OSBPL6: variants seen among roughly 807,000 people sequenced by gnomAD.
The protein encoded by OSBPL6 is oxysterol-binding protein-related protein 6.
Under a neutral mutation model 125.8 loss-of-function variants are expected in OSBPL6, and 49 were observed. The observed-to-expected ratio is 0.39, with a 90% confidence interval of 0.31 to 0.49. The LOEUF (loss-of-function observed/expected upper bound fraction) is 0.49, where lower values mean the gene tolerates loss of function less well. Among genes scored for constraint, OSBPL6 ranks in the 20% least tolerant of loss-of-function variants. The probability of loss-of-function intolerance (pLI) is 0.88; values close to 1 mark genes in which losing one functional copy is unlikely to be tolerated. For missense variants in OSBPL6, 986 were observed against 1,135.4 expected, an observed-to-expected ratio of 0.87 and a Z score of 1.89; for synonymous variants, 394 against 391.8, an observed-to-expected ratio of 1.01 and a Z score of -0.07.
chr2:178,273,057 T>A (rs1192032347), intron 1 of OSBPL6, among the ~76,000 whole-genome samples: 1 of 152,092 alleles, frequency 6.6e-6, no homozygotes, highest in Non-Finnish European at 1.5e-5. Flanking sequence ...AAGGATGGGA[T>A]TTAGACTTTG....
intron 1 of OSBPL6, among the ~76,000 whole-genome samples, chr2:178,212,443 AT>A (rs1282117505): frequency 6.6e-6 from 1 of 152,216 alleles, no homozygotes; most frequent in East Asian, 1.9e-4. Flanking sequence ...ACACAGAGTG[AT>A]TTCTGAAAGA....
At chr2:178,379,791 C>T (rs371695449) in intron 15 of OSBPL6, among the ~76,000 whole-genome samples, 14 of 152,056 alleles carry the variant, frequency 9.2e-5, no homozygotes, top group East Asian at 1.9e-4. Context: ...CCAGTTGCAG[C>T]GGGAAAATAT....
Position 178,228,530 on chromosome 2 carries a change from A to G in OSBPL6, c.-351+33856A>G, listed in dbSNP as rs552944926. Among the ~76,000 whole-genome samples the G allele has an allele frequency of 3.1e-4, 47 of 152,352 alleles. 1 individual carries two copies. Among genetic ancestry groups the G allele is most frequent in the Admixed American group, 2.2e-3 (34 of 15,306 alleles). On this transcript the variant is annotated intron_variant, in intron 1 of 24. Transcript: ENST00000190611. ...GGCCAGGGTGACAGAGCGAGACTCCATCTCAAAAAACAAAATAAAAAAATT... is the reference window on the plus strand; with the variant it reads ...GGCCAGGGTGACAGAGCGAGACTCCGTCTCAAAAAACAAAATAAAAAAATT...
chr2:178,201,806 GGGACCTGT>G (rs1216660931), intron 1 of OSBPL6, among the ~76,000 whole-genome samples: 8 of 152,182 alleles, frequency 5.3e-5, no homozygotes, highest in African/African-American at 1.2e-4. Context: ...AATACTGACA[GGGACCTGT>G]GGCATTTGTT....
intron 12 of OSBPL6, among the ~76,000 whole-genome samples, chr2:178,350,544 T>C (rs1161106021): frequency 6.6e-6 from 1 of 152,202 alleles, no homozygotes; most frequent in Non-Finnish European, 1.5e-5. Context: ...AAAAATATGC[T>C]GTCAGATTTC....
chr2:178,330,573 A>T (rs1328263057), intron 5 of OSBPL6, among the ~76,000 whole-genome samples: 1 of 152,184 alleles, frequency 6.6e-6, no homozygotes, highest in Non-Finnish European at 1.5e-5. Context: ...GCCTTCTGTC[A>T]GTCCTGTGCA....
At chr2:178,332,436 A>G (rs1689282168) in intron 6 of OSBPL6, among the ~76,000 whole-genome samples, 1 of 152,258 alleles carries the variant, frequency 6.6e-6, no homozygotes, top group Non-Finnish European at 1.5e-5. Flanking sequence ...TCTTATTTAT[A>G]AAAATTGACG....
In OSBPL6 at chr2:178,349,323, G is replaced by A; in HGVS notation, c.1087G>A (p.Asp363Asn). The A allele has an allele frequency of 6.2e-7, 1 of 1,614,146 alleles. No individual in the cohort carries two copies. Among genetic ancestry groups the A allele is most frequent in the Non-Finnish European group, 8.5e-7 (1 of 1,180,030 alleles). Residue 363 changes from aspartate to asparagine, a missense_variant, in exon 12 of 25, where the codon GAC becomes AAC. Transcript: ENST00000190611. ...EFQTPPSHLT[D>N]PLESSTDYTK... ...TCAGACTCCCCCTAGCCACCTCACT[G>A]ACCCTCTGGAAAGTTCAACAGATTA...
chr2:178,323,412 G>A (rs1447439953), intron 3 of OSBPL6, among the ~76,000 whole-genome samples: 10 of 152,092 alleles, frequency 6.6e-5, no homozygotes, highest in Admixed American at 3.3e-4. Context: ...TTCTCTGTGC[G>A]TTTTTGTAAG....
chr2:178,286,313 A>G (rs564462790), intron 2 of OSBPL6, among the ~76,000 whole-genome samples: 1 of 152,318 alleles, frequency 6.6e-6, no homozygotes, highest in South Asian at 2.1e-4. Flanking sequence ...AACCAATCTT[A>G]CAGATTATGG....
intron 12 of OSBPL6, among the ~76,000 whole-genome samples, chr2:178,352,590 C>G (rs559463011): frequency 3.9e-5 from 6 of 152,304 alleles, no homozygotes; most frequent in African/African-American, 1.4e-4. Context: ...TCAGGAAGCT[C>G]GAACTGGGCA....
intron 11 of OSBPL6, among the ~76,000 whole-genome samples, chr2:178,340,715 G>A (rs1209354478): frequency 2.0e-5 from 3 of 152,064 alleles, no homozygotes; most frequent in African/African-American, 7.2e-5. Context: ...AAGGTAGAAA[G>A]AAGTACTTTT....
chr2:178,309,498 A>G (rs763392744), intron 3 of OSBPL6, among the ~76,000 whole-genome samples: 19 of 152,318 alleles, frequency 1.2e-4, no homozygotes, highest in Non-Finnish European at 2.4e-4. Flanking sequence ...ACATCTGTGC[A>G]TAATAGTAAT....
In OSBPL6 at chr2:178,383,896, T is replaced by C. The variant is rs1369403667; in HGVS notation, c.1876-143T>C. 7 of 1,005,258 alleles carry C rather than the reference T, an allele frequency of 7.0e-6. No homozygotes were observed. In the African/African-American group the frequency reaches 9.7e-5, roughly 14 times the overall value. The allele number at this position is 1,005,258 out of a possible 1,614,324, so 62.3% of individuals were successfully genotyped here. A position where few individuals can be genotyped will look rare whatever the true frequency, so the allele number is the denominator to read the frequency against. Reference sequence around the variant, plus strand: ...TTTTTTCCCCATGAGTTGATAAAAATTCTGTACAGACAATAGAAAATGCAA... The same window carrying C: ...TTTTTTCCCCATGAGTTGATAAAAACTCTGTACAGACAATAGAAAATGCAA... On this transcript the variant is annotated intron_variant, in intron 17 of 24. Coordinates refer to ENST00000190611, the MANE Select transcript of OSBPL6 (RefSeq NM_032523.4).
chr2:178,254,563 CTA>C (rs556306478), intron 1 of OSBPL6, among the ~76,000 whole-genome samples: 3 of 152,068 alleles, frequency 2.0e-5, no homozygotes, highest in African/African-American at 4.8e-5. Flanking sequence ...TAAAAAATGA[CTA>C]TTTATTTGAC....
rs1235706339 is a variant in OSBPL6 at position 178,400,374 on chromosome 2, C to T, written c.*4815C>T. 1 of 151,790 alleles carries T rather than the reference C, an allele frequency of 6.6e-6. No homozygotes were observed. Among genetic ancestry groups the T allele is most frequent in the African/African-American group, 2.4e-5 (1 of 41,264 alleles). The allele number at this position is 151,790 out of a possible 1,614,324, so 9.4% of individuals were successfully genotyped here. On this transcript the variant is annotated 3_prime_UTR_variant, in exon 25 of 25. Transcript: ENST00000190611. ...CAATCTCGGCTCACTGCAGCCTCCGCCTCCCAGGTTCAAGGGATTCTTGTG... is the reference window on the plus strand; with the variant it reads ...CAATCTCGGCTCACTGCAGCCTCCGTCTCCCAGGTTCAAGGGATTCTTGTG...
At chr2:178,295,366 C>A (rs1331922617) in intron 2 of OSBPL6, among the ~76,000 whole-genome samples, 1 of 152,196 alleles carries the variant, frequency 6.6e-6, no homozygotes, top group Non-Finnish European at 1.5e-5. Flanking sequence ...CTATAGCCCA[C>A]AAGCCAAATA....
chr2:178,331,640 T>C, intron 6 of OSBPL6, 35 bp downstream of exon 6: 1 of 1,606,440 alleles, frequency 6.2e-7, no homozygotes, highest in Non-Finnish European at 8.5e-7. Flanking sequence ...CAAAGGTTGA[T>C]TTCGAATTCT....
intron 17 of OSBPL6, 41 bp from the exon 18 acceptor site, chr2:178,383,998 G>A (rs186283871): frequency 5.6e-5 from 90 of 1,594,082 alleles, no homozygotes; most frequent in Admixed American, 2.0e-4. Flanking sequence ...CCCAGCAGTC[G>A]TCTCTCCTAT....
Sources: gnomAD v4.1 joint callset for allele counts (sites outside exome capture counted in the v4.1 genomes callset) on GRCh38, gnomAD v4.1.1 for gene constraint, MANE v1.5 for transcripts, NCBI Gene and HGNC (gene_info 2026-07-23, HGNC 2026-07-21) for gene names.